Variants in ZNF248 observed in about 807,000 individuals in gnomAD.
ZNF248 encodes the protein zinc finger protein 248, also known as KRAB protein domain.
ZNF248 carries 20 observed loss-of-function variants against 44.3 expected under a neutral mutation model. The ratio of observed to expected loss-of-function variants is 0.45; its 90% CI spans 0.32 to 0.66. The LOEUF (loss-of-function observed/expected upper bound fraction) is 0.66. Among genes scored for constraint, ZNF248 ranks in the 30% least tolerant of loss-of-function variants. ZNF248 has a pLI of 0.04. For synonymous variants in ZNF248, 224 were observed against 229.0 expected, an observed-to-expected ratio of 0.98 and a Z score of 0.20; for missense variants, 654 against 677.0, an observed-to-expected ratio of 0.97 and a Z score of 0.38.
downstream of ZNF248, among the ~76,000 whole-genome samples, chr10:37,773,809 G>T (rs1014773963): frequency 6.6e-6 from 1 of 152,088 alleles, no homozygotes; most frequent in Admixed American, 6.6e-5. Flanking sequence ...TCTCTGTAAA[G>T]GCCCTATCTC....
chr10:37,842,287 A>G (rs551335440), intron 3 of ZNF248, among the ~76,000 whole-genome samples: 1 of 152,318 alleles, frequency 6.6e-6, no homozygotes, highest in South Asian at 2.1e-4. Flanking sequence ...GGTGGCACCA[A>G]GCTCAGGTCC....
At chr10:37,857,638 A>G (rs1475652712), upstream of ZNF248, 1 of 152,244 alleles carries the variant, frequency 6.6e-6, no homozygotes. Flanking sequence ...TCAGGGCACA[A>G]AAAGCGCACA....
At chr10:37,847,700 C>T (rs1382692924) in intron 3 of ZNF248, among the ~76,000 whole-genome samples, 1 of 151,894 alleles carries the variant, frequency 6.6e-6, no homozygotes, top group African/African-American at 2.4e-5. Context: ...AAAAAGGCCT[C>T]AACTTTCAGA....
chr10:37,771,663 T>C (rs1158216111), downstream of ZNF248, among the ~76,000 whole-genome samples: 1 of 150,958 alleles, frequency 6.6e-6, no homozygotes, highest in Non-Finnish European at 1.5e-5. Context: ...TTAGGAGATA[T>C]ATCTAATGCT....
At chr10:37,816,688 C>T (rs888465175) in intron 6 of ZNF248, among the ~76,000 whole-genome samples, 1 of 152,132 alleles carries the variant, frequency 6.6e-6, no homozygotes, top group African/African-American at 2.4e-5. Context: ...TTTGACCTTT[C>T]CTGTACACTC....
At chr10:37,825,257 T>C (rs1284181385), downstream of ZNF248, among the ~76,000 whole-genome samples, 1 of 152,122 alleles carries the variant, frequency 6.6e-6, no homozygotes, top group East Asian at 1.9e-4. Flanking sequence ...GTGAGCCTAG[T>C]GATATAAGCC....
downstream of ZNF248, chr10:37,775,494 T>TG (rs1353205068): frequency 6.6e-6 from 1 of 152,086 alleles, no homozygotes. Flanking sequence ...GCCCACCAAC[T>TG]GGTTACACAC....
At chr10:37,764,454 C>T in the ZNF248 span, among the ~76,000 whole-genome samples, 1 of 152,158 alleles carries the variant, frequency 6.6e-6, no homozygotes, top group East Asian at 1.9e-4. Context: ...CTCCATTTGC[C>T]TTGTAATATT....
chr10:37,833,957 C>T (rs1269390422), intron 5 of ZNF248, among the ~76,000 whole-genome samples: 1 of 151,816 alleles, frequency 6.6e-6, no homozygotes, highest in African/African-American at 2.4e-5. Context: ...GCATGGTTTA[C>T]ACCCTCATCT....
intron 6 of ZNF248, among the ~76,000 whole-genome samples, chr10:37,777,421 C>G (rs1207346477): frequency 6.6e-6 from 1 of 152,116 alleles, no homozygotes; most frequent in Non-Finnish European, 1.5e-5. Flanking sequence ...TCCCTGTTCC[C>G]CTCCCTCTTT....
chr10:37,843,092 G>T (rs957199548), intron 3 of ZNF248, among the ~76,000 whole-genome samples: 1 of 152,142 alleles, frequency 6.6e-6, no homozygotes, highest in African/African-American at 2.4e-5. Flanking sequence ...TTAGCTGAAA[G>T]CAAGCTAAGG....
chr10:37,780,921 G>C (rs2047232072), intron 6 of ZNF248, among the ~76,000 whole-genome samples: 1 of 152,184 alleles, frequency 6.6e-6, no homozygotes, highest in African/African-American at 2.4e-5. Context: ...GAAGCACAGG[G>C]AAGCACTGCA....
At chr10:37,775,803 A>T (rs1180630181), downstream of ZNF248, among the ~76,000 whole-genome samples, 3 of 152,234 alleles carry the variant, frequency 2.0e-5, no homozygotes, top group Admixed American at 6.5e-5. Context: ...TAAGGAAATC[A>T]TGCTGCAGCA....
intron 6 of ZNF248, chr10:37,819,697 G>C: frequency 2.5e-6 from 2 of 787,562 alleles, no homozygotes; most frequent in Admixed American, 3.4e-5. Context: ...GGAGTTTGAA[G>C]ATTTCTTCTT....
intron 6 of ZNF248, among the ~76,000 whole-genome samples, chr10:37,793,896 C>T (rs905566298): frequency 4.6e-5 from 7 of 152,066 alleles, no homozygotes; most frequent in Non-Finnish European, 7.4e-5. Flanking sequence ...TGTTTTTCCA[C>T]GTTAAGATCC....
intron 6 of ZNF248, among the ~76,000 whole-genome samples, chr10:37,777,783 G>A (rs533971552): frequency 1.3e-5 from 2 of 150,350 alleles, no homozygotes; most frequent in East Asian, 4.0e-4. Context: ...AGAATATGCG[G>A]TGTTTGGTTT....
At chr10:37,787,011 G>A (rs1474306061) in intron 6 of ZNF248, among the ~76,000 whole-genome samples, 3 of 152,042 alleles carry the variant, frequency 2.0e-5, no homozygotes, top group African/African-American at 7.3e-5. Context: ...CAGGCACTTT[G>A]GCTCATGCCT....
At chr10:37,771,052 CA>C in the ZNF248 span, among the ~76,000 whole-genome samples, 2 of 152,244 alleles carry the variant, frequency 1.3e-5, no homozygotes, top group African/African-American at 4.8e-5. Context: ...CAGAGAAATG[CA>C]AATCAAAACC....
chr10:37,784,081 T>A (rs1460005113), intron 6 of ZNF248: 5 of 152,620 alleles, frequency 3.3e-5, no homozygotes, highest in African/African-American at 9.6e-5. Context: ...CCCAAAGTGC[T>A]GGGATTATAG....
Sources: gnomAD v4.1 joint callset for allele counts (sites outside exome capture counted in the v4.1 genomes callset) on GRCh38, gnomAD v4.1.1 for gene constraint, MANE v1.5 for transcripts, NCBI Gene and HGNC (gene_info 2026-07-23, HGNC 2026-07-21) for gene names.